TC2N: variants seen among roughly 807,000 people sequenced by gnomAD.
TC2N encodes tandem C2 domains, nuclear.
Under a neutral mutation model 61.9 loss-of-function variants are expected in TC2N, and 51 were observed. That is an observed-to-expected ratio of 0.82 (90% CI 0.66 to 1.04). TC2N has a LOEUF of 1.04. TC2N is among the 50% of genes least tolerant of loss of function. The pLI is 0.00. For synonymous variants in TC2N, 204 were observed against 192.6 expected, an observed-to-expected ratio of 1.06 and a Z score of -0.49; for missense variants, 556 against 566.7, an observed-to-expected ratio of 0.98 and a Z score of 0.19.
intron 5 of TC2N, 124 bp from the exon 6 acceptor site, chr14:91,799,188 C>A: frequency 1.5e-5 from 8 of 540,994 alleles, no homozygotes; most frequent in South Asian, 8.3e-5. Flanking sequence ...TGTTACAGGT[C>A]AGAATTTCCC....
At chr14:91,855,991 C>T (rs1888475547) in intron 1 of TC2N, among the ~76,000 whole-genome samples, 2 of 152,060 alleles carry the variant, frequency 1.3e-5, no homozygotes, top group African/African-American at 4.8e-5. Flanking sequence ...CAGGAAACCA[C>T]AGCTGACTTC....
At chr14:91,817,438 T>C (rs1887056584) in intron 1 of TC2N, among the ~76,000 whole-genome samples, 1 of 151,984 alleles carries the variant, frequency 6.6e-6, no homozygotes, top group African/African-American at 2.4e-5. Context: ...AAAAAAAGTT[T>C]AACATTTTTC....
chr14:91,842,667 C>G (rs549289329), intron 1 of TC2N, among the ~76,000 whole-genome samples: 1 of 152,258 alleles, frequency 6.6e-6, no homozygotes, highest in African/African-American at 2.4e-5. Context: ...TAAATGATAA[C>G]CAAACGGTTG....
rs1885306393 is a variant in TC2N, at chr14:91,785,244, A to G, written c.1280T>C (p.Leu427Pro). The G allele has an allele frequency of 2.5e-6, 4 of 1,613,310 alleles. No individual in the cohort carries two copies. Among genetic ancestry groups the G allele is most frequent in the Non-Finnish European group, 3.4e-6 (4 of 1,179,356 alleles). The stretch of plus-strand genomic sequence containing the variant: ...AACAATTTCTTTTTCACTCTGTATA[A>G]GTGGAAAAATCATAGTCTCTCCCCA... The part of the protein sequence containing the change: ...VKWGETMIFP[L>P]IQSEKEIVFL... Residue 427 changes from leucine (L) to proline (P), a missense_variant, in exon 11 of 12, where the codon CTT becomes CCT. Leu to Pro is a moderately conservative substitution (Grantham distance 98). Coordinates refer to ENST00000435962, the MANE Select transcript of TC2N (RefSeq NM_001128596.3).
At chr14:91,818,913 T>C (rs968585225) in intron 1 of TC2N, among the ~76,000 whole-genome samples, 5 of 151,906 alleles carry the variant, frequency 3.3e-5, no homozygotes, top group Non-Finnish European at 5.9e-5. Context: ...CCAAAATACA[T>C]GTATTTGGAG....
At chr14:91,864,637 G>A (rs1367633921) in intron 1 of TC2N, among the ~76,000 whole-genome samples, 4 of 152,108 alleles carry the variant, frequency 2.6e-5, no homozygotes, top group African/African-American at 7.2e-5. Flanking sequence ...CTACCCAAAC[G>A]AAAACTTCTT....
intron 3 of TC2N, among the ~76,000 whole-genome samples, chr14:91,803,669 C>G (rs985252888): frequency 6.6e-6 from 1 of 152,014 alleles, no homozygotes; most frequent in Non-Finnish European, 1.5e-5. Flanking sequence ...GTTGGCCAGG[C>G]TGGTCTTGAA....
intron 1 of TC2N, among the ~76,000 whole-genome samples, chr14:91,855,634 G>A (rs181358829): frequency 1.4e-3 from 213 of 152,284 alleles, no homozygotes; most frequent in Non-Finnish European, 9.7e-4. Flanking sequence ...ATGAGGTCAC[G>A]TTCTGATGTT....
chr14:91,798,902 G>C, intron 6 of TC2N, 87 bp downstream of exon 6: 1 of 833,132 alleles, frequency 1.2e-6, no homozygotes, highest in South Asian at 1.6e-5. Flanking sequence ...ATCATCTAGA[G>C]TTTTTCACCT....
chr14:91,789,138 A>C (rs1213643976), intron 9 of TC2N, among the ~76,000 whole-genome samples: 1 of 152,196 alleles, frequency 6.6e-6, no homozygotes, highest in African/African-American at 2.4e-5. Flanking sequence ...GAAAACACGT[A>C]AAGGTGGCAA....
At position 91,793,441 on chromosome 14, in the gene TC2N, T is replaced by C. The variant is rs114904772; in HGVS notation, c.856-883A>G. 7.2e-3 allele frequency among the ~76,000 whole-genome samples: 1,096 copies of C among 152,344 alleles called. 13 individuals carry two copies. Among genetic ancestry groups the C allele is most frequent in the African/African-American group, 0.023 (965 of 41,566 alleles). Reference sequence around the variant, plus strand: ...TTGCTTTAATGTGCTTCATAGACATTACATTTTTTAAAAATTGAAGGTTCG... The same window carrying C: ...TTGCTTTAATGTGCTTCATAGACATCACATTTTTTAAAAATTGAAGGTTCG... On this transcript the variant is annotated intron_variant, in intron 8 of 11. Coordinates refer to ENST00000435962, the MANE Select transcript of TC2N (RefSeq NM_001128596.3).
At chr14:91,793,271 T>G (rs1344489122) in intron 8 of TC2N, among the ~76,000 whole-genome samples, 1 of 152,242 alleles carries the variant, frequency 6.6e-6, no homozygotes, top group African/African-American at 2.4e-5. Context: ...TTCTTGACAC[T>G]AGACGGTTCT....
Position 91,823,396 on chromosome 14 carries a change from T to TGGGA in TC2N, c.-56-9572_-56-9571insTCCC, listed in dbSNP as rs531486448. Among the ~76,000 whole-genome samples the TGGGA allele has an allele frequency of 8.2e-3, 1,240 of 151,968 alleles. 12 individuals carry two copies. Among genetic ancestry groups the TGGGA allele is most frequent in the African/African-American group, 0.028 (1,147 of 41,414 alleles). On this transcript the variant is annotated intron_variant, in intron 1 of 11. Coordinates refer to ENST00000435962, the MANE Select transcript of TC2N (RefSeq NM_001128596.3). ...TTAGTTGGGCATGGTGGCACATGCC[T>TGGGA]GTAATCCCAGCTACTCAGGAGGCTG...
intron 1 of TC2N, among the ~76,000 whole-genome samples, chr14:91,826,389 T>C (rs2139887464): frequency 6.6e-6 from 1 of 151,766 alleles, no homozygotes; most frequent in South Asian, 2.1e-4. Flanking sequence ...TTTTATATAG[T>C]ACTAAAAGAG....
intron 1 of TC2N, among the ~76,000 whole-genome samples, chr14:91,816,994 T>C (rs1172124061): frequency 6.6e-6 from 1 of 151,976 alleles, no homozygotes; most frequent in East Asian, 1.9e-4. Flanking sequence ...TAGCTATTCT[T>C]GCTTGTCTGT....
chr14:91,867,205 AATC>A (rs577087035), intron 1 of TC2N, 54 bp downstream of exon 1: 59 of 152,336 alleles, frequency 3.9e-4, no homozygotes, highest in African/African-American at 1.4e-3. Flanking sequence ...TGGGTCCTCA[AATC>A]ATCAAGACAG....
At chr14:91,851,040 T>G (rs1480591436) in intron 1 of TC2N, among the ~76,000 whole-genome samples, 2 of 152,204 alleles carry the variant, frequency 1.3e-5, no homozygotes, top group Non-Finnish European at 2.9e-5. Flanking sequence ...TCCCACTGAT[T>G]CTACATTATG....
At chr14:91,847,163 TAGG>T (rs1436714452) in intron 1 of TC2N, among the ~76,000 whole-genome samples, 2 of 150,096 alleles carry the variant, frequency 1.3e-5, no homozygotes, top group Non-Finnish European at 3.0e-5. Flanking sequence ...GAGGCTGAGG[TAGG>T]AGAATTGCTT....
At chr14:91,841,860 C>G (rs957043946) in intron 1 of TC2N, among the ~76,000 whole-genome samples, 5 of 152,128 alleles carry the variant, frequency 3.3e-5, no homozygotes, top group Non-Finnish European at 5.9e-5. Context: ...GTCCCATTAT[C>G]AGTAAGACTC....
Sources: gnomAD v4.1 joint callset for allele counts (sites outside exome capture counted in the v4.1 genomes callset) on GRCh38, gnomAD v4.1.1 for gene constraint, MANE v1.5 for transcripts, NCBI Gene and HGNC (gene_info 2026-07-23, HGNC 2026-07-21) for gene names.